The following FBN1 variants were observed in gnomAD, a reference collection of about 807,000 sequenced individuals.
FBN1 encodes fibrillin 1.
Under a neutral mutation model 365.1 loss-of-function variants are expected in FBN1, and 29 were observed. The observed-to-expected ratio is 0.08, with a 90% CI of 0.06 to 0.11. The LOEUF is 0.11. FBN1 is among the 10% of genes least tolerant of loss of function. The pLI is 1.00. For synonymous variants in FBN1, 1,210 were observed against 1,270.5 expected, an observed-to-expected ratio of 0.95 and a Z score of 1.01; for missense variants, 2,476 against 3,703.2, an observed-to-expected ratio of 0.67 and a Z score of 8.60.
chr15:48,589,232 T>C (rs1190490641), intron 6 of FBN1, among the ~76,000 whole-genome samples: 3 of 151,940 alleles, frequency 2.0e-5, no homozygotes, highest in African/African-American at 7.3e-5. Flanking sequence ...AAAGGAACTA[T>C]AGGGGAGAAA....
chr15:48,447,099 C>T (rs993717523), intron 46 of FBN1, among the ~76,000 whole-genome samples: 2 of 152,162 alleles, frequency 1.3e-5, no homozygotes, highest in African/African-American at 4.8e-5. Flanking sequence ...ATTCTATTTA[C>T]TTCTAGAATT....
At chr15:48,622,353 G>T (rs1889785602) in intron 2 of FBN1, among the ~76,000 whole-genome samples, 1 of 152,126 alleles carries the variant, frequency 6.6e-6, no homozygotes, top group African/African-American at 2.4e-5. Context: ...CCAGAACAAA[G>T]GCCTTTAGCC....
chr15:48,566,052 G>A (rs2044256818), intron 6 of FBN1, among the ~76,000 whole-genome samples: 1 of 152,034 alleles, frequency 6.6e-6, no homozygotes, highest in African/African-American at 2.4e-5. Context: ...CTGTACATTA[G>A]GTCAAATATT....
chr15:48,574,819 C>A (rs372713641), intron 6 of FBN1, among the ~76,000 whole-genome samples: 1 of 152,126 alleles, frequency 6.6e-6, no homozygotes, highest in African/African-American at 2.4e-5. Context: ...AAGCCTGACA[C>A]AAAATAGCAT....
At chr15:48,587,834 A>G (rs1169410928) in intron 6 of FBN1, among the ~76,000 whole-genome samples, 1 of 152,210 alleles carries the variant, frequency 6.6e-6, no homozygotes, top group Non-Finnish European at 1.5e-5. Context: ...TTGACATGAT[A>G]TAACATGAGA....
Position 48,415,526 on chromosome 15 carries a change from C to A in FBN1, c.8051+10G>T, listed in dbSNP as rs1007432990. The A allele has an allele frequency of 1.9e-6, 3 of 1,588,922 alleles. No individual in the cohort carries two copies. Among genetic ancestry groups the A allele is most frequent in the Admixed American group, 3.3e-5 (2 of 59,992 alleles). ...AATCTCCAACCATGACCAGGAAGAG[C>A]ACTGCTTACCCTTGGCCTATGCGGA... On this transcript the variant is annotated intron_variant, in intron 64 of 65. Transcript: ENST00000316623.
chr15:48,463,794 C>T, intron 41 of FBN1, 105 bp downstream of exon 41: 1 of 1,270,164 alleles, frequency 7.9e-7, no homozygotes. Context: ...GATGCCAGCA[C>T]TCAGTCTGAT....
chr15:48,477,181 A>C (rs1178305764), intron 32 of FBN1, among the ~76,000 whole-genome samples: 1 of 152,082 alleles, frequency 6.6e-6, no homozygotes, highest in Non-Finnish European at 1.5e-5. Context: ...TCCATGTTTA[A>C]TCTTGCAATT....
chr15:48,557,008 A>G (rs2044186708), intron 6 of FBN1, among the ~76,000 whole-genome samples: 1 of 152,208 alleles, frequency 6.6e-6, no homozygotes, highest in South Asian at 2.1e-4. Flanking sequence ...CTTTGTAGTG[A>G]ACTGTGCAGG....
rs1363266114 is a variant in FBN1, at chr15:48,410,231, A to T, written c.*759T>A. Reference sequence around the variant, plus strand: ...ACTGAGGCTGTTTCCTGGTCCTCCCAGACCTCTATGCACGTGTGGGCCAGT... The same window carrying T: ...ACTGAGGCTGTTTCCTGGTCCTCCCTGACCTCTATGCACGTGTGGGCCAGT... On this transcript the variant is annotated 3_prime_UTR_variant, in exon 66 of 66. Coordinates refer to ENST00000316623, the MANE Select transcript of FBN1 (RefSeq NM_000138.5). 5 of 152,692 alleles carry T rather than the reference A, an allele frequency of 3.3e-5. No homozygotes were observed. The highest frequency in any genetic ancestry group is 3.3e-4 in the Admixed American group (5 of 15,278). 9.5% of individuals were successfully genotyped at this position (152,692 alleles called of 1,614,324 possible). A position where few individuals can be genotyped will look rare whatever the true frequency, so the allele number is the denominator to read the frequency against.
At chr15:48,513,436 G>A (rs188664522) in intron 13 of FBN1, 113 bp downstream of exon 13, 2 of 1,460,812 alleles carry the variant, frequency 1.4e-6, no homozygotes, top group East Asian at 4.6e-5. Context: ...AAAGCCACGG[G>A]ACTGTATTAG....
rs745346746 is a variant in FBN1 at position 48,488,149 on chromosome 15, A to G, written c.3301T>C (p.Tyr1101His). Residue 1101 changes from tyrosine to histidine, a missense_variant, in exon 27 of 66, where the codon TAT (tyrosine) becomes CAT (histidine). By Grantham distance (83) the Tyr-to-His change is moderately conservative. Around this residue, in one of 5 missense-constraint regions of FBN1, gnomAD observed 1,780 missense variants for 2,840.8 expected, o/e 0.63. Transcript: ENST00000316623. ...GDFECKCDEG[Y>H]ESGFMMMKNC... ...TTCATCATCATGAATCCACTTTCAT[A>G]GCCTTCGTCACACTTGCATTCAAAG... The G allele has an allele frequency of 1.2e-6, 2 of 1,614,230 alleles. No homozygotes were observed. The highest frequency in any genetic ancestry group is 1.7e-6 in the Non-Finnish European group (2 of 1,180,044).
At chr15:48,516,401 T>G (rs2043803065) in intron 10 of FBN1, 39 bp from the exon 11 acceptor site, 1 of 1,599,430 alleles carries the variant, frequency 6.3e-7, no homozygotes, top group Non-Finnish European at 8.6e-7. Context: ...ACAGCTGAGC[T>G]GTAGCTTATG....
chr15:48,467,514 T>C (rs1433687236), intron 38 of FBN1, among the ~76,000 whole-genome samples: 4 of 152,168 alleles, frequency 2.6e-5, no homozygotes, highest in African/African-American at 9.7e-5. Context: ...AGCCACCCCA[T>C]AACAATGGAA....
chr15:48,505,618 C>A (rs1237946228), intron 15 of FBN1, among the ~76,000 whole-genome samples: 1 of 152,084 alleles, frequency 6.6e-6, no homozygotes, highest in Non-Finnish European at 1.5e-5. Context: ...GAAAATTCGC[C>A]TAAAATTAAA....
Position 48,537,632 on chromosome 15 carries a change from T to G in FBN1, c.715A>C (p.Ile239Leu). ...TTACCTTGACAAGCTCCCGTGCGGA[T>G]ATTTGGAATGAAGCCACGGCGGCAG... ...HPCRRGFIPN[I>L]RTGACQDVDE... The change falls in exon 7 of 66, where the codon ATC becomes CTC. Residue 239 changes from isoleucine to leucine, a missense_variant. Physicochemically the swap from Ile to Leu is conservative, Grantham distance 5. Transcript: ENST00000316623. 6.2e-7 allele frequency: 1 copy of G among 1,614,222 alleles called. No individual in the cohort carries two copies. Among genetic ancestry groups the G allele is most frequent in the Non-Finnish European group, 8.5e-7 (1 of 1,180,038 alleles).
chr15:48,470,519 TC>T, intron 36 of FBN1, 114 bp downstream of exon 36: 1 of 1,377,684 alleles, frequency 7.3e-7, no homozygotes, highest in South Asian at 1.2e-5. Context: ...TCTTAATACT[TC>T]CCCCTTGCTT....
chr15:48,612,247 G>A (rs1431294789), intron 3 of FBN1, among the ~76,000 whole-genome samples: 1 of 152,134 alleles, frequency 6.6e-6, no homozygotes, highest in African/African-American at 2.4e-5. Context: ...ATACTCCATT[G>A]ACCACTGTCA....
chr15:48,429,415 A>G lies in FBN1; in HGVS notation c.6872-944T>C, dbSNP rs74011804. On this transcript the variant is annotated intron_variant, in intron 56 of 65. Transcript: ENST00000316623. ...GGTTTAAAAAAACATTAAAATATCT[A>G]CAGATTCTTAGAATTATCTGATGAT... Among the ~76,000 whole-genome samples the G allele has an allele frequency of 6.7e-3, 1,025 of 152,310 alleles. 12 individuals are homozygous for G. Among genetic ancestry groups the G allele is most frequent in the African/African-American group, 0.023 (973 of 41,546 alleles).
Sources: allele counts gnomAD v4.1 joint callset (sites outside exome capture counted in the v4.1 genomes callset), GRCh38; gene constraint gnomAD v4.1.1; regional missense constraint gnomAD v4.1.1; transcripts MANE v1.5; gene names NCBI Gene and HGNC (gene_info 2026-07-23, HGNC 2026-07-21).